ARIH1: variants seen among roughly 807,000 people sequenced by gnomAD.
ARIH1 encodes ariadne RBR E3 ubiquitin protein ligase 1, also known as E3 ubiquitin-protein ligase ARIH1.
ARIH1 carries 8 observed loss-of-function variants against 85.0 expected under a neutral mutation model. The ratio of observed to expected loss-of-function variants is 0.09; its 90% confidence interval spans 0.06 to 0.17. ARIH1 has a LOEUF of 0.17. Ranked by LOEUF, ARIH1 falls within the 10% of genes least tolerant of loss-of-function variation. ARIH1 has a pLI of 1.00. For missense variants in ARIH1, 311 were observed against 718.1 expected, an observed-to-expected ratio of 0.43 and a Z score of 6.48; for synonymous variants, 238 against 253.6, an observed-to-expected ratio of 0.94 and a Z score of 0.59.
rs1403847861 is a variant in ARIH1, at chr15:72,601,296, A to C, written c.*18004A>C. ...GCTAACATGAGTTTATTAAGTGTTCATTCTGACCATGCCATTCCTTGCTCA... is the reference window on the plus strand; with the variant it reads ...GCTAACATGAGTTTATTAAGTGTTCCTTCTGACCATGCCATTCCTTGCTCA... On this transcript the variant is annotated 3_prime_UTR_variant, in exon 14 of 14. Transcript: ENST00000379887. 6.6e-6 allele frequency: 1 copy of C among 152,174 alleles called. No individual in the cohort carries two copies. The highest frequency in any genetic ancestry group is 1.9e-4 in the East Asian group (1 of 5,198). The allele number at this position is 152,174 out of a possible 1,614,324, so 9.4% of individuals were successfully genotyped here. A position where few individuals can be genotyped will look rare whatever the true frequency, so the allele number is the denominator to read the frequency against.
rs371828755 is a variant in ARIH1, at chr15:72,524,137, C to T, written c.443+6003C>T. Among the ~76,000 whole-genome samples, 8 of 151,636 alleles carry T rather than the reference C, an allele frequency of 5.3e-5. No individual in the cohort carries two copies. In the South Asian group the frequency reaches 8.3e-4, roughly 16 times the overall value. ...AATTTTTTTGTATTTTTAGTAGAGA[C>T]GGGGTTTCACCATATTAGCTAAGAT... On this transcript the variant is annotated intron_variant, in intron 2 of 13. Coordinates refer to ENST00000379887, the MANE Select transcript of ARIH1 (RefSeq NM_005744.5).
intron 2 of ARIH1, among the ~76,000 whole-genome samples, chr15:72,526,644 T>TCACTTCAGTGCAGAGACTG (rs2064029741): frequency 6.6e-6 from 1 of 152,108 alleles, no homozygotes; most frequent in South Asian, 2.1e-4. Flanking sequence ...GGTGGGTGTC[T>TCACTTCAGTGCAGAGACTG]CACTTCAGTG....
chr15:72,530,874 A>G (rs1402962390), intron 2 of ARIH1, among the ~76,000 whole-genome samples: 5 of 152,244 alleles, frequency 3.3e-5, no homozygotes, highest in Admixed American at 6.5e-5. Flanking sequence ...TACAGAAGAG[A>G]TTAAGAAATA....
chr15:72,594,512 A>G lies in ARIH1; in HGVS notation c.*11220A>G, dbSNP rs530653180. On this transcript the variant is annotated 3_prime_UTR_variant, in exon 14 of 14. Coordinates refer to ENST00000379887, the MANE Select transcript of ARIH1 (RefSeq NM_005744.5). ...TTTGCTGCTAGTATCTAGAAATACA[A>G]TTGATTTTTTGTTTGTTTCTTTAGA... The G allele has an allele frequency of 9.9e-5, 15 of 152,106 alleles. No individual in the cohort carries two copies. The highest frequency in any genetic ancestry group is 1.6e-4 in the Non-Finnish European group (11 of 68,034). 9.4% of individuals were successfully genotyped at this position (152,106 alleles called of 1,614,324 possible).
intron 1 of ARIH1, among the ~76,000 whole-genome samples, chr15:72,514,377 G>A (rs1309869092): frequency 6.6e-6 from 1 of 152,100 alleles, no homozygotes; most frequent in Non-Finnish European, 1.5e-5. Context: ...TCCAGTGAGT[G>A]AGTTCTAAAA....
At chr15:72,505,399 C>T (rs1387372083) in intron 1 of ARIH1, among the ~76,000 whole-genome samples, 2 of 151,282 alleles carry the variant, frequency 1.3e-5, no homozygotes, top group Non-Finnish European at 2.9e-5. Flanking sequence ...TGTTTTTTTT[C>T]GCTCAGTGGT....
chr15:72,584,707 TAGG>T lies in ARIH1; in HGVS notation c.*1418_*1420del, dbSNP rs1193740477. ...TTGCTGCTTTTTTATTGTCAGCAGA[TAGG>T]AGAATTAATAATGCATTTTAGCTGT... On this transcript the variant is annotated 3_prime_UTR_variant, in exon 14 of 14. Transcript: ENST00000379887. The T allele has an allele frequency of 1.3e-5, 2 of 152,108 alleles. No individual in the cohort carries two copies. Among genetic ancestry groups the T allele is most frequent in the Admixed American group, 1.3e-4 (2 of 15,256 alleles). The allele number at this position is 152,108 out of a possible 1,614,324, so 9.4% of individuals were successfully genotyped here. A position where few individuals can be genotyped will look rare whatever the true frequency, so the allele number is the denominator to read the frequency against.
intron 2 of ARIH1, among the ~76,000 whole-genome samples, chr15:72,542,475 A>C (rs1010668937): frequency 6.6e-6 from 1 of 152,206 alleles, no homozygotes; most frequent in African/African-American, 2.4e-5. Flanking sequence ...ATTTTTCCCT[A>C]TCTGATGGGC....
intron 1 of ARIH1, among the ~76,000 whole-genome samples, chr15:72,477,034 C>G (rs1046835013): frequency 3.9e-5 from 6 of 152,018 alleles, no homozygotes; most frequent in Admixed American, 1.3e-4. Context: ...TTTGAGTGTT[C>G]TTATTTTCTT....
chr15:72,566,715 T>TA (rs2064222693), intron 8 of ARIH1, 110 bp downstream of exon 8: 6 of 1,020,976 alleles, frequency 5.9e-6, no homozygotes, highest in African/African-American at 1.6e-5. Flanking sequence ...GATTTTTTTT[T>TA]ATCCTTTTAA....
At chr15:72,500,519 C>T (rs534012896) in intron 1 of ARIH1, among the ~76,000 whole-genome samples, 1 of 152,230 alleles carries the variant, frequency 6.6e-6, no homozygotes, top group South Asian at 2.1e-4. Context: ...CCTTATAAAG[C>T]TTTGGGGAAT....
At chr15:72,553,317 C>T (rs1442029071) in intron 3 of ARIH1, among the ~76,000 whole-genome samples, 1 of 151,986 alleles carries the variant, frequency 6.6e-6, no homozygotes, top group Non-Finnish European at 1.5e-5. Flanking sequence ...TTTAACGATC[C>T]CTTAACTCTT....
chr15:72,482,835 CTCTCT>C (rs200461818), intron 1 of ARIH1, among the ~76,000 whole-genome samples: 1,975 of 97,900 alleles, frequency 0.02, 43 homozygotes, highest in Admixed American at 0.1. Flanking sequence ...AGTTCTCTCT[CTCTCT>C]TTTTTTTTTT....
Position 72,555,379 on chromosome 15 carries a change from T to A in ARIH1, c.681+16T>A, listed in dbSNP as rs766774334. ...CATGGGTCAGGTAAAGATATCAAGT[T>A]GTTTTTCAGTTTTTGTTGAATTTCC... On this transcript the variant is annotated intron_variant, in intron 4 of 13. Coordinates refer to ENST00000379887, the MANE Select transcript of ARIH1 (RefSeq NM_005744.5). The A allele has an allele frequency of 6.3e-7, 1 of 1,589,086 alleles. No homozygotes were observed. The highest frequency in any genetic ancestry group is 2.2e-5 in the East Asian group (1 of 44,724).
chr15:72,510,328 C>CT (rs1309096608), intron 1 of ARIH1, among the ~76,000 whole-genome samples: 1 of 151,900 alleles, frequency 6.6e-6, no homozygotes, highest in East Asian at 1.9e-4. Context: ...ATGGATTGTG[C>CT]TTTTGATGTA....
At chr15:72,527,995 A>G (rs900235497) in intron 2 of ARIH1, among the ~76,000 whole-genome samples, 4 of 152,190 alleles carry the variant, frequency 2.6e-5, no homozygotes, top group Non-Finnish European at 5.9e-5. Context: ...AAGTTATGAC[A>G]TGAATGTAAA....
chr15:72,501,990 G>A (rs566296473), intron 1 of ARIH1, among the ~76,000 whole-genome samples: 1 of 152,292 alleles, frequency 6.6e-6, no homozygotes, highest in African/African-American at 2.4e-5. Context: ...TTAAAAACTA[G>A]GGTGTTATAT....
At chr15:72,506,664 G>C (rs2063927007) in intron 1 of ARIH1, among the ~76,000 whole-genome samples, 1 of 152,038 alleles carries the variant, frequency 6.6e-6, no homozygotes, top group Non-Finnish European at 1.5e-5. Flanking sequence ...CTCATTTGAG[G>C]AGCTTGTAGA....
intron 6 of ARIH1, 125 bp from the exon 7 acceptor site, chr15:72,563,269 G>C: frequency 1.4e-6 from 1 of 690,314 alleles, no homozygotes; most frequent in Non-Finnish European, 2.5e-6. Context: ...ATGTTGCCCG[G>C]GCTGGTCTGG....
Sources: allele counts gnomAD v4.1 joint callset (sites outside exome capture counted in the v4.1 genomes callset), GRCh38; gene constraint gnomAD v4.1.1; transcripts MANE v1.5; gene names NCBI Gene and HGNC (gene_info 2026-07-23, HGNC 2026-07-21).